PCDHA9: variants seen among roughly 807,000 people sequenced by gnomAD.
PCDHA9 encodes the protein protocadherin alpha-9.
Under a neutral mutation model 62.0 loss-of-function variants are expected in PCDHA9, and 62 were observed. The ratio of observed to expected loss-of-function variants is 1.00; its 90% CI spans 0.81 to 1.23. PCDHA9 has a LOEUF of 1.23. Among genes scored for constraint, PCDHA9 ranks in the 50% most tolerant of loss-of-function variants. The pLI, the probability that PCDHA9 is intolerant of heterozygous loss-of-function variation, is 0.00. For synonymous variants in PCDHA9, 557 were observed against 567.6 expected (o/e 0.98, Z 0.27); for missense variants, 1,205 against 1,249.8 (o/e 0.96, Z 0.54).
chr5:141,005,164 G>A (rs782398186), intron 3 of PCDHA9, among the ~76,000 whole-genome samples: 2 of 152,178 alleles, frequency 1.3e-5, no homozygotes, highest in Non-Finnish European at 2.9e-5. Context: ...TAAAGAGTGG[G>A]TACCACTTTC....
chr5:140,901,599 A>C (rs1196199794), intron 1 of PCDHA9, among the ~76,000 whole-genome samples: 1 of 152,132 alleles, frequency 6.6e-6, no homozygotes, highest in Non-Finnish European at 1.5e-5. Flanking sequence ...TTTGGTTACT[A>C]TATCTCTATG....
At chr5:140,927,378 C>T in intron 1 of PCDHA9, 3 of 1,614,110 alleles carry the variant, frequency 1.9e-6, no homozygotes, top group Non-Finnish European at 2.5e-6. Flanking sequence ...TAAGCTACAG[C>T]CTAAGCCCCA....
Position 140,850,457 on chromosome 5 carries a change from C to T in PCDHA9, c.1962C>T (p.His654=), listed in dbSNP as rs2041615283. The change falls in exon 1 of 4, where the codon CAC becomes CAT. Residue 654 remains histidine (H), a synonymous_variant. Transcript: ENST00000532602. ...GCCTACTGGTGCTGGTGAAAGACCA[C>T]GGGGAGCCAGCGCTGACGGCCACGG... is the stretch of plus-strand genomic sequence containing the variant. ...RQRLLVLVKD[H]GEPALTATAT... 8.1e-6 allele frequency: 13 copies of T among 1,597,684 alleles called. 1 individual carries two copies. Among genetic ancestry groups the T allele is most frequent in the Non-Finnish European group, 1.1e-5 (13 of 1,167,628 alleles).
In PCDHA9 at chr5:140,848,742, A is replaced by G; in HGVS notation, c.247A>G (p.Ile83Val). Residue 83 changes from isoleucine (I) to valine (V), a missense_variant, in exon 1 of 4, where the codon ATT becomes GTT. Ile to Val is a conservative substitution (Grantham distance 29). Coordinates refer to ENST00000532602, the MANE Select transcript of PCDHA9 (RefSeq NM_031857.2). Reference sequence around the variant, plus strand: ...TCTGGAGGTAAATCTGCAGAATGGCATTTTGTTTGTGAATTCTCGGATCGA... The same window carrying G: ...TCTGGAGGTAAATCTGCAGAATGGCGTTTTGTTTGTGAATTCTCGGATCGA... ...DLLEVNLQNG[I>V]LFVNSRIDRE... 2 of 1,593,114 alleles carry G rather than the reference A, an allele frequency of 1.3e-6. No individual in the cohort carries two copies. The highest frequency in any genetic ancestry group is 3.4e-5 in the Admixed American group (2 of 59,170).
At position 140,856,042 on chromosome 5, in the gene PCDHA9, G is replaced by A. The variant is rs149114226; in HGVS notation, c.2394+5153G>A. On this transcript the variant is annotated intron_variant, in intron 1 of 3. Transcript: ENST00000532602. ...TTCGTCGATTTGTAAAACAAGAGAA[G>A]GATAAGATGGTTTCCAGATGTAGCT... 68 of 1,579,466 alleles carry A rather than the reference G, an allele frequency of 4.3e-5. 8 individuals carry two copies. The Admixed American group carries it at 1.1e-3, about 26-fold the overall frequency.
intron 1 of PCDHA9, chr5:140,852,251 G>A: frequency 1.9e-6 from 1 of 527,556 alleles, no homozygotes; most frequent in Non-Finnish European, 2.5e-6. Flanking sequence ...ACACACTTTT[G>A]GAATATGCTA....
At chr5:140,877,030 C>G (rs1554169262) in intron 1 of PCDHA9, 5 of 1,612,300 alleles carry the variant, frequency 3.1e-6, no homozygotes, top group Non-Finnish European at 3.4e-6. Context: ...GGTGTACGCG[C>G]TGCAGCCGCT....
At position 140,849,876 on chromosome 5, in the gene PCDHA9, A is replaced by T. The variant is rs191347173; in HGVS notation, c.1381A>T (p.Thr461Ser). ...ACCAGCGTTCGCGCAGTCCGAGTAC[A>T]CGGTGTTCGTGAAGGAGAACAACCC... ...NAPAFAQSEYTVFVKENNPPG... is the reference protein window; with the variant it reads ...NAPAFAQSEYSVFVKENNPPG... The change falls in exon 1 of 4, where the codon ACG (threonine) becomes TCG (serine). Residue 461 changes from threonine (T) to serine (S), a missense_variant. This residue lies in a region of PCDHA9 where 887 missense variants were observed against 809.5 expected (regional missense o/e 1.10). Transcript: ENST00000532602. 7 of 1,598,522 alleles carry T rather than the reference A, an allele frequency of 4.4e-6. No individual in the cohort carries two copies. Among genetic ancestry groups the T allele is most frequent in the Middle Eastern group, 1.7e-4 (1 of 5,880 alleles).
At position 140,857,034 on chromosome 5, in the gene PCDHA9, T is replaced by C. The variant is rs374158544; in HGVS notation, c.2394+6145T>C. On this transcript the variant is annotated intron_variant, in intron 1 of 3. Transcript: ENST00000532602. Reference sequence around the variant, plus strand: ...GTTACAGATAAGGGAAACCCACCTATGGTTGGTCACTGCACGGTCCTAGTG... The same window carrying C: ...GTTACAGATAAGGGAAACCCACCTACGGTTGGTCACTGCACGGTCCTAGTG... The C allele has an allele frequency of 5.6e-6, 9 of 1,595,714 alleles. No homozygotes were observed. The African/African-American group carries it at 8.1e-5, about 14-fold the overall frequency.
chr5:140,948,267 A>C (rs964252489), intron 1 of PCDHA9, among the ~76,000 whole-genome samples: 1 of 151,646 alleles, frequency 6.6e-6, no homozygotes, highest in South Asian at 2.1e-4. Context: ...GTGTTCATGT[A>C]GAATATCTGT....
At chr5:140,921,473 C>T (rs2080232887) in intron 1 of PCDHA9, among the ~76,000 whole-genome samples, 1 of 152,186 alleles carries the variant, frequency 6.6e-6, no homozygotes, top group African/African-American at 2.4e-5. Flanking sequence ...CACTACCAAA[C>T]CACTCTACCT....
chr5:140,891,009 A>G (rs2062900955), intron 1 of PCDHA9, among the ~76,000 whole-genome samples: 1 of 151,934 alleles, frequency 6.6e-6, no homozygotes, highest in South Asian at 2.1e-4. Flanking sequence ...ATTGAAAAGC[A>G]TTTTTTCTGA....
At chr5:140,884,115 T>C (rs782303871) in intron 1 of PCDHA9, 2 of 1,613,170 alleles carry the variant, frequency 1.2e-6, no homozygotes, top group African/African-American at 2.7e-5. Context: ...CTGGCGGCGG[T>C]CGGCGCGCGC....
At chr5:140,987,749 GT>G (rs1554249497) in intron 3 of PCDHA9, among the ~76,000 whole-genome samples, 1 of 152,142 alleles carries the variant, frequency 6.6e-6, no homozygotes, top group African/African-American at 2.4e-5. Context: ...GACCCAGGTT[GT>G]TCTGAGTATT....
In PCDHA9 at chr5:140,848,598, G is replaced by A. The variant is rs2150413954; in HGVS notation, c.103G>A (p.Val35Ile). ...VVGSGQLHYS[V>I]PEEAEHGTFV... Reference sequence around the variant, plus strand: ...GGGGAGCGGCCAGCTCCACTACTCCGTCCCGGAGGAAGCCGAACACGGCAC... The same window carrying A: ...GGGGAGCGGCCAGCTCCACTACTCCATCCCGGAGGAAGCCGAACACGGCAC... The change falls in exon 1 of 4, where the codon GTC (valine) becomes ATC (isoleucine). Residue 35 changes from valine (V) to isoleucine (I), a missense_variant. Coordinates refer to ENST00000532602, the MANE Select transcript of PCDHA9 (RefSeq NM_031857.2). 3 of 1,593,830 alleles carry A rather than the reference G, an allele frequency of 1.9e-6. No individual in the cohort carries two copies. Among genetic ancestry groups the A allele is most frequent in the East Asian group, 2.2e-5 (1 of 44,842 alleles).
At position 140,850,513 on chromosome 5, in the gene PCDHA9, G is replaced by C. The variant is rs782718204; in HGVS notation, c.2018G>C (p.Gly673Ala). The C allele has an allele frequency of 2.5e-6, 4 of 1,598,108 alleles. No homozygotes were observed. The highest frequency in any genetic ancestry group is 2.6e-6 in the Non-Finnish European group (3 of 1,167,832). The change falls in exon 1 of 4, where the codon GGC becomes GCC. Residue 673 changes from glycine (G) to alanine (A), a missense_variant. Transcript: ENST00000532602. Reference protein sequence around the residue: ...ATVLVSLVESGQAPKSSSRAS... With the variant: ...ATVLVSLVESAQAPKSSSRAS... ...GTGCTGGTGTCGCTGGTGGAGAGCG[G>C]CCAGGCGCCAAAGTCATCGTCGCGG...
intron 1 of PCDHA9, among the ~76,000 whole-genome samples, chr5:140,948,767 T>G (rs1266601836): frequency 6.6e-6 from 1 of 151,640 alleles, no homozygotes; most frequent in Non-Finnish European, 1.5e-5. Context: ...TTTTTTCGAA[T>G]AGCCAGCTTT....
chr5:140,946,091 A>G (rs1554217315), intron 1 of PCDHA9, among the ~76,000 whole-genome samples: 1 of 152,040 alleles, frequency 6.6e-6, no homozygotes, highest in Non-Finnish European at 1.5e-5. Flanking sequence ...TCTGATAAGG[A>G]GTTAACATAC....
intron 1 of PCDHA9, among the ~76,000 whole-genome samples, chr5:140,892,977 G>A (rs188368199): frequency 1.8e-4 from 27 of 152,270 alleles, no homozygotes; most frequent in Admixed American, 6.5e-4. Flanking sequence ...TTTTGTAGCT[G>A]CCGTATAAGT....
Sources: gnomAD v4.1 joint callset for allele counts (sites outside exome capture counted in the v4.1 genomes callset) on GRCh38, gnomAD v4.1.1 for gene constraint, gnomAD v4.1.1 regional missense constraint, MANE v1.5 for transcripts, NCBI Gene and HGNC (gene_info 2026-07-23, HGNC 2026-07-21) for gene names.